Variants in AGO3 observed in about 807,000 individuals in gnomAD.
AGO3 encodes argonaute RISC catalytic component 3.
A neutral mutation model predicts 105.5 loss-of-function variants in AGO3; 16 were observed. That is an observed-to-expected ratio of 0.15 (90% CI 0.10 to 0.23). AGO3 has a LOEUF of 0.23. Among genes scored for constraint, AGO3 ranks in the 10% least tolerant of loss-of-function variants. The pLI, the probability that AGO3 is intolerant of heterozygous loss-of-function variation, is 1.00. For missense variants in AGO3, 534 were observed against 1,088.0 expected (o/e 0.49, Z 7.16); for synonymous variants, 340 against 367.3 (o/e 0.93, Z 0.85).
chr1:35,941,340 C>T (rs1646250911), intron 1 of AGO3, among the ~76,000 whole-genome samples: 1 of 152,036 alleles, frequency 6.6e-6, no homozygotes, highest in Non-Finnish European at 1.5e-5. Context: ...ACATAGTCTG[C>T]TGACTGGTCT....
Position 36,070,821 on chromosome 1 carries a change from T to G in AGO3, c.*15076T>G, listed in dbSNP as rs1312917929. ...TAACGCTGATATATCAGGAATAATT[T>G]TAAACTATTTTTGCTGTAATGTGTA... On this transcript the variant is annotated 3_prime_UTR_variant, in exon 19 of 19. Transcript: ENST00000373191. The G allele has an allele frequency of 2.0e-5, 3 of 152,222 alleles. No homozygotes were observed. The highest frequency in any genetic ancestry group is 2.9e-5 in the Non-Finnish European group (2 of 68,044). 9.4% of individuals were successfully genotyped at this position (152,222 alleles called of 1,614,324 possible). A position where few individuals can be genotyped will look rare whatever the true frequency, so the allele number is the denominator to read the frequency against.
At chr1:36,036,744 G>C (rs1391827839) in intron 14 of AGO3, among the ~76,000 whole-genome samples, 1 of 151,978 alleles carries the variant, frequency 6.6e-6, no homozygotes, top group African/African-American at 2.4e-5. Context: ...GCCCAGGCTA[G>C]AGTGCAATGA....
chr1:36,019,216 T>C lies in AGO3; in HGVS notation c.1406+5168T>C, dbSNP rs115020693. On this transcript the variant is annotated intron_variant, in intron 11 of 18. Transcript: ENST00000373191. ...ACTTTGGCATAATACATTACAGCCT[T>C]GCAGCATTTAGTCACGTTAAGGTTT... Among the ~76,000 whole-genome samples, 1,062 of 152,312 alleles carry C rather than the reference T, an allele frequency of 7.0e-3. 11 individuals are homozygous for C. Among genetic ancestry groups the C allele is most frequent in the African/African-American group, 0.024 (1,011 of 41,570 alleles).
intron 17 of AGO3, among the ~76,000 whole-genome samples, chr1:36,051,859 G>A (rs904538987): frequency 6.6e-6 from 1 of 152,114 alleles, no homozygotes. Flanking sequence ...ATCACCAGGG[G>A]AATGCCAATT....
chr1:35,943,447 GC>G (rs1193575984), intron 1 of AGO3, among the ~76,000 whole-genome samples: 1 of 150,916 alleles, frequency 6.6e-6, no homozygotes, highest in African/African-American at 2.4e-5. Flanking sequence ...GATTACAGGT[GC>G]CTGCCATCAT....
intron 14 of AGO3, among the ~76,000 whole-genome samples, chr1:36,038,217 A>T (rs558351678): frequency 5.4e-5 from 8 of 146,822 alleles, no homozygotes. Flanking sequence ...AGCCTTTGTG[A>T]GGCATTTTGT....
chr1:35,995,219 T>A (rs1377277594), intron 5 of AGO3, among the ~76,000 whole-genome samples: 11 of 144,926 alleles, frequency 7.6e-5, no homozygotes, highest in East Asian at 2.0e-4. Context: ...AATATATATA[T>A]ATATATATAT....
intron 2 of AGO3, among the ~76,000 whole-genome samples, chr1:35,955,766 T>C (rs758572705): frequency 6.6e-6 from 1 of 152,138 alleles, no homozygotes; most frequent in Non-Finnish European, 1.5e-5. Context: ...GGCTAATTTT[T>C]GTATTTTTTA....
chr1:36,019,803 C>A (rs1375322672), intron 11 of AGO3, among the ~76,000 whole-genome samples: 1 of 151,518 alleles, frequency 6.6e-6, no homozygotes, highest in East Asian at 1.9e-4. Flanking sequence ...TAGTCTCACT[C>A]TGTCACCCAG....
Position 36,056,020 on chromosome 1 carries a change from T to C in AGO3, c.*275T>C. The C allele has an allele frequency of 3.8e-6, 1 of 260,320 alleles. No individual in the cohort carries two copies. Among genetic ancestry groups the C allele is most frequent in the Admixed American group, 5.3e-5 (1 of 18,766 alleles). 16.1% of individuals were successfully genotyped at this position (260,320 alleles called of 1,614,324 possible). ...TGTTTTGTTTTCATTTCTTGTAGTC[T>C]AACCCTTTTAATGCCTTTACCTCAA... On this transcript the variant is annotated 3_prime_UTR_variant, in exon 19 of 19. Coordinates refer to ENST00000373191, the MANE Select transcript of AGO3 (RefSeq NM_024852.4).
At chr1:35,974,804 G>A (rs1370532637) in intron 5 of AGO3, among the ~76,000 whole-genome samples, 1 of 152,156 alleles carries the variant, frequency 6.6e-6, no homozygotes, top group Non-Finnish European at 1.5e-5. Context: ...GAAAAGCTCA[G>A]TGTCCTATTG....
chr1:36,006,401 G>A (rs1224091752), intron 6 of AGO3, among the ~76,000 whole-genome samples: 4 of 152,070 alleles, frequency 2.6e-5, no homozygotes, highest in African/African-American at 9.6e-5. Flanking sequence ...CTGGGAAAAT[G>A]TATAAGTACC....
chr1:36,037,185 C>G (rs1642048595), intron 14 of AGO3, among the ~76,000 whole-genome samples: 2 of 152,068 alleles, frequency 1.3e-5, no homozygotes, highest in Non-Finnish European at 2.9e-5. Flanking sequence ...AAAATATGAA[C>G]ATCTTTTAGG....
In AGO3 at chr1:36,062,599, T is replaced by C. The variant is rs1367267936; in HGVS notation, c.*6854T>C. The C allele has an allele frequency of 6.6e-6, 1 of 152,018 alleles. No individual in the cohort carries two copies. Among genetic ancestry groups the C allele is most frequent in the African/African-American group, 2.4e-5 (1 of 41,388 alleles). 9.4% of individuals were successfully genotyped at this position (152,018 alleles called of 1,614,324 possible). ...GGGAAATAAGCAAAAGAAAGGAAAATAGTAGAACCTTTCATACTAATTAGA... is the reference window on the plus strand; with the variant it reads ...GGGAAATAAGCAAAAGAAAGGAAAACAGTAGAACCTTTCATACTAATTAGA... On this transcript the variant is annotated 3_prime_UTR_variant, in exon 19 of 19. Transcript: ENST00000373191.
At position 36,009,742 on chromosome 1, in the gene AGO3, T is replaced by C. The variant is rs199941009; in HGVS notation, c.1149+148T>C. ...AATCATGGAAGTAATCTAATGTTCTTGATACAAGCCTTGGTGGGCTATATG... is the reference window on the plus strand; with the variant it reads ...AATCATGGAAGTAATCTAATGTTCTCGATACAAGCCTTGGTGGGCTATATG... On this transcript the variant is annotated intron_variant, in intron 9 of 18. Coordinates refer to ENST00000373191, the MANE Select transcript of AGO3 (RefSeq NM_024852.4). 1.6e-4 allele frequency: 143 copies of C among 875,580 alleles called. No homozygotes were observed. The East Asian group carries it at 3.6e-3, about 22-fold the overall frequency. The allele number at this position is 875,580 out of a possible 1,614,324, so 54.2% of individuals were successfully genotyped here.
chr1:35,975,207 CATCA>C (rs1344879206), intron 5 of AGO3, among the ~76,000 whole-genome samples: 1 of 152,102 alleles, frequency 6.6e-6, no homozygotes, highest in Non-Finnish European at 1.5e-5. Context: ...AAATATTTTG[CATCA>C]ATGAATGAGA....
intron 1 of AGO3, among the ~76,000 whole-genome samples, chr1:35,942,952 C>T (rs1232741400): frequency 6.6e-6 from 1 of 152,008 alleles, no homozygotes; most frequent in Non-Finnish European, 1.5e-5. Context: ...CTCTAGGTAC[C>T]TCATGTAAGT....
At chr1:35,942,482 T>C (rs1014408001) in intron 1 of AGO3, among the ~76,000 whole-genome samples, 1 of 152,184 alleles carries the variant, frequency 6.6e-6, no homozygotes, top group Non-Finnish European at 1.5e-5. Flanking sequence ...TTTCCTTAAA[T>C]GTTTGGTATA....
chr1:35,975,422 GTCT>G (rs1426001041), intron 5 of AGO3, among the ~76,000 whole-genome samples: 4 of 151,236 alleles, frequency 2.6e-5, no homozygotes, highest in Admixed American at 1.3e-4. Flanking sequence ...TGGATTTTTC[GTCT>G]TCTTATTTAC....
Sources: allele counts gnomAD v4.1 joint callset (sites outside exome capture counted in the v4.1 genomes callset), GRCh38; gene constraint gnomAD v4.1.1; transcripts MANE v1.5; gene names NCBI Gene and HGNC (gene_info 2026-07-23, HGNC 2026-07-21).